Variants in WAC observed in about 807,000 individuals in gnomAD.
WAC encodes the protein WW domain-containing adapter protein with coiled-coil.
Under a neutral mutation model 79.6 loss-of-function variants are expected in WAC, and 11 were observed. The ratio of observed to expected loss-of-function variants is 0.14; its 90% CI spans 0.09 to 0.23. The LOEUF is 0.23. WAC is among the 10% of genes least tolerant of loss of function. The pLI, the probability that WAC is intolerant of heterozygous loss-of-function variation, is 1.00. For missense variants in WAC, 728 were observed against 773.5 expected (o/e 0.94, Z 0.70); for synonymous variants, 304 against 276.9 (o/e 1.10, Z -0.97).
chr10:28,544,664 A>G (rs1837253615), intron 3 of WAC, among the ~76,000 whole-genome samples: 1 of 152,154 alleles, frequency 6.6e-6, no homozygotes, highest in African/African-American at 2.4e-5. Context: ...CAGTTTGCCA[A>G]ATGAGAGTTA....
intron 7 of WAC, among the ~76,000 whole-genome samples, chr10:28,601,947 C>G (rs1840668308): frequency 1.3e-5 from 2 of 152,070 alleles, no homozygotes; most frequent in Admixed American, 1.3e-4. Context: ...TGAAAATGTT[C>G]TGGAGACGTA....
intron 8 of WAC, among the ~76,000 whole-genome samples, chr10:28,610,054 C>T (rs1367657558): frequency 4.0e-5 from 6 of 151,316 alleles, no homozygotes; most frequent in Non-Finnish European, 7.4e-5. Flanking sequence ...GCCTCAGCCT[C>T]CCTAGTAGCT....
intron 3 of WAC, among the ~76,000 whole-genome samples, chr10:28,550,827 G>A (rs780645338): frequency 1.2e-4 from 19 of 152,144 alleles, no homozygotes; most frequent in Non-Finnish European, 2.4e-4. Flanking sequence ...AAAAAAAATT[G>A]TGTACATAAT....
chr10:28,554,149 A>G (rs1419040099), intron 3 of WAC, among the ~76,000 whole-genome samples: 1 of 152,172 alleles, frequency 6.6e-6, no homozygotes, highest in African/African-American at 2.4e-5. Context: ...ATTTATAGGC[A>G]TGAACTGCCG....
chr10:28,606,283 G>C (rs1840947624), intron 7 of WAC, among the ~76,000 whole-genome samples: 1 of 152,122 alleles, frequency 6.6e-6, no homozygotes, highest in Admixed American at 6.5e-5. Context: ...GAAATCCTGG[G>C]CTCAAGCCTT....
chr10:28,534,197 G>A lies in WAC; in HGVS notation c.78+163G>A, dbSNP rs35136724. 0.27 allele frequency: 167,717 copies of A among 629,680 alleles called. 23,640 individuals carry two copies. The highest frequency in any genetic ancestry group is 0.28 in the Non-Finnish European group (109,110 of 386,618). 39.0% of individuals were successfully genotyped at this position (629,680 alleles called of 1,614,324 possible). On this transcript the variant is annotated intron_variant, in intron 2 of 13. Transcript: ENST00000354911. ...TAAAATTCCAGGTTTGGTTCCTTTA[G>A]CGCTCTCCAGCAAGGTTTAGTGACT...
chr10:28,618,793 A>G lies in WAC; in HGVS notation c.1875-744A>G, dbSNP rs547003521. Among the ~76,000 whole-genome samples the G allele has an allele frequency of 1.2e-4, 19 of 152,326 alleles. No individual in the cohort carries two copies. The South Asian group carries it at 3.7e-3, about 30-fold the overall frequency. Reference sequence around the variant, plus strand: ...GCTTCATTTTTATGTACCTACATCTACATTGAGAATTGCTCTTCTAAATGA... The same window carrying G: ...GCTTCATTTTTATGTACCTACATCTGCATTGAGAATTGCTCTTCTAAATGA... On this transcript the variant is annotated intron_variant, in intron 13 of 13. Transcript: ENST00000354911.
chr10:28,559,136 A>ATGTGTGTGTGTG (rs111740298), intron 3 of WAC, among the ~76,000 whole-genome samples: 8,537 of 146,652 alleles, frequency 0.058, 618 homozygotes, highest in African/African-American at 0.16. Flanking sequence ...GAGAAACCTG[A>ATGTGTGTGTGTG]TGTGTGTGTG....
At chr10:28,598,671 G>A (rs1840494191) in intron 7 of WAC, among the ~76,000 whole-genome samples, 1 of 152,214 alleles carries the variant, frequency 6.6e-6, no homozygotes, top group South Asian at 2.1e-4. Flanking sequence ...AACGTGTGGT[G>A]TTAGAGGCAG....
chr10:28,552,845 C>CTTTTTTTTTTTT lies in WAC; in HGVS notation c.274+17100_274+17111dup, dbSNP rs3029447. Among the ~76,000 whole-genome samples the CTTTTTTTTTTTT allele has an allele frequency of 2.8e-3, 237 of 84,356 alleles. 2 individuals carry two copies. Among genetic ancestry groups the CTTTTTTTTTTTT allele is most frequent in the Non-Finnish European group, 4.1e-3 (188 of 46,408 alleles). The allele number at this position is 84,356 out of a possible 152,430, so 55.3% of individuals were successfully genotyped here. A position where few individuals can be genotyped will look rare whatever the true frequency, so the allele number is the denominator to read the frequency against. ...GACAGTGAGCAAATCCACTTGGCTG[C>CTTTTTTTTTTTT]TTTTTTTTTTTTTTTTTTTTTTTGT... On this transcript the variant is annotated intron_variant, in intron 3 of 13. Transcript: ENST00000354911.
At chr10:28,562,246 G>A (rs1589157533) in intron 3 of WAC, among the ~76,000 whole-genome samples, 2 of 151,920 alleles carry the variant, frequency 1.3e-5, no homozygotes, top group South Asian at 2.1e-4. Context: ...TAGTAGAGAC[G>A]GGGTTTCACC....
At chr10:28,564,938 A>G (rs970156101) in intron 3 of WAC, among the ~76,000 whole-genome samples, 3 of 152,212 alleles carry the variant, frequency 2.0e-5, no homozygotes, top group African/African-American at 7.2e-5. Context: ...GCCACGGTCA[A>G]GATACAGAGC....
chr10:28,579,733 A>T (rs1215654804), intron 3 of WAC, among the ~76,000 whole-genome samples: 1 of 152,154 alleles, frequency 6.6e-6, no homozygotes, highest in Non-Finnish European at 1.5e-5. Flanking sequence ...TTGGAAAGAG[A>T]TACACGGAGA....
intron 10 of WAC, among the ~76,000 whole-genome samples, chr10:28,613,969 A>G (rs1841361577): frequency 6.6e-6 from 1 of 152,222 alleles, no homozygotes; most frequent in Non-Finnish European, 1.5e-5. Flanking sequence ...ATATTTCTCC[A>G]TATCATTAAA....
At chr10:28,606,941 A>G (rs1484585638) in intron 7 of WAC, among the ~76,000 whole-genome samples, 2 of 152,188 alleles carry the variant, frequency 1.3e-5, no homozygotes, top group African/African-American at 4.8e-5. Context: ...AACATTTGGT[A>G]TGTCTGACTT....
chr10:28,564,344 GA>G (rs1838479749), intron 3 of WAC, among the ~76,000 whole-genome samples: 1 of 152,216 alleles, frequency 6.6e-6, no homozygotes, highest in Non-Finnish European at 1.5e-5. Context: ...GTTGTAGCTA[GA>G]AGGCAAAAAT....
At chr10:28,581,720 C>A (rs558858121) in intron 3 of WAC, among the ~76,000 whole-genome samples, 6 of 152,040 alleles carry the variant, frequency 3.9e-5, no homozygotes, top group Admixed American at 3.9e-4. Context: ...ACCACCACGT[C>A]CAGCTAACTT....
At chr10:28,614,738 C>G in intron 11 of WAC, 53 bp downstream of exon 11, 3 of 1,356,206 alleles carry the variant, frequency 2.2e-6, no homozygotes, top group Non-Finnish European at 3.1e-6. Context: ...TGATGGTACA[C>G]TGCATTGTTT....
At chr10:28,583,008 A>C (rs1839619243) in intron 3 of WAC, among the ~76,000 whole-genome samples, 2 of 152,300 alleles carry the variant, frequency 1.3e-5, no homozygotes, top group South Asian at 4.1e-4. Context: ...CATACTGATA[A>C]CAGTGACTTT....
Sources: allele counts gnomAD v4.1 joint callset (sites outside exome capture counted in the v4.1 genomes callset), GRCh38; gene constraint gnomAD v4.1.1; transcripts MANE v1.5; gene names NCBI Gene and HGNC (gene_info 2026-07-23, HGNC 2026-07-21).